The following NT5C1A variants were observed in gnomAD, a reference collection of about 807,000 sequenced individuals.
NT5C1A encodes the protein 5'-nucleotidase, cytosolic IA.
A neutral mutation model predicts 31.0 loss-of-function variants in NT5C1A; 18 were observed. The ratio of observed to expected loss-of-function variants is 0.58; its 90% confidence interval spans 0.40 to 0.86. The LOEUF is 0.86. Among genes scored for constraint, NT5C1A ranks in the 40% least tolerant of loss-of-function variants. The pLI, the probability that NT5C1A is intolerant of heterozygous loss-of-function variation, is 0.00. For synonymous variants in NT5C1A, 185 were observed against 203.6 expected, an observed-to-expected ratio of 0.91 and a Z score of 0.78; for missense variants, 470 against 505.4, an observed-to-expected ratio of 0.93 and a Z score of 0.67.
At chr1:39,664,492 T>TCTCCTCCCTTCCCCTCCCCCTTCCCCTTC (rs1553485422) in intron 3 of NT5C1A, among the ~76,000 whole-genome samples, 1 of 606 alleles carries the variant, frequency 1.7e-3, no homozygotes. Flanking sequence ...GGATTTCTCC[T>TCTCCTCCCTTCCCCTCCCCCTTCCCCTTC]CCTCTCCTCT....
chr1:39,666,309 C>T, intron 1 of NT5C1A, 73 bp from the exon 2 acceptor site: 2 of 1,473,396 alleles, frequency 1.4e-6, no homozygotes, highest in East Asian at 2.3e-5. Flanking sequence ...TGTGAGTCTC[C>T]CTGGGTAGTG....
Position 39,665,647 on chromosome 1 carries a change from G to A in NT5C1A, c.307C>T (p.Leu103=), listed in dbSNP as rs751799353. 6.2e-7 allele frequency: 1 copy of A among 1,613,100 alleles called. No individual in the cohort carries two copies. Among genetic ancestry groups the A allele is most frequent in the East Asian group, 2.2e-5 (1 of 44,890 alleles). Residue 103 remains leucine (L), a synonymous_variant, in exon 3 of 6, where the codon CTG becomes TTG. Coordinates refer to ENST00000235628, the MANE Select transcript of NT5C1A (RefSeq NM_032526.3). ...CGCAGCCGCCTGTTCACGGCCTCCA[G>A]AGCCTGGAAAGGAGAGGGCACCCCC... The part of the protein sequence containing the change: ...PGPAFPFVKA[L]EAVNRRLREL...
chr1:39,667,661 C>T (rs1440790257), intron 1 of NT5C1A, among the ~76,000 whole-genome samples: 1 of 152,142 alleles, frequency 6.6e-6, no homozygotes, highest in South Asian at 2.1e-4. Flanking sequence ...TGAGAGACAC[C>T]GTGGTGGACA....
chr1:39,665,141 G>A (rs1325355031), intron 3 of NT5C1A, among the ~76,000 whole-genome samples: 1 of 152,204 alleles, frequency 6.6e-6, no homozygotes, highest in East Asian at 1.9e-4. Flanking sequence ...AGGCCTGTTA[G>A]CCCCATCACA....
At chr1:39,667,119 C>G (rs1045063032) in intron 1 of NT5C1A, among the ~76,000 whole-genome samples, 1 of 151,990 alleles carries the variant, frequency 6.6e-6, no homozygotes, top group Non-Finnish European at 1.5e-5. Flanking sequence ...ACCCCTACTT[C>G]TCTTTCCATT....
chr1:39,661,123 A>G lies in NT5C1A; in HGVS notation c.697T>C (p.Phe233Leu), dbSNP rs1200210544. 6.3e-7 allele frequency: 1 copy of G among 1,592,860 alleles called. No homozygotes were observed. Among genetic ancestry groups the G allele is most frequent in the East Asian group, 2.3e-5 (1 of 44,388 alleles). ...TCGTGGGCCTTCTCATGCTCGAAGAATCGGTCCAGCCCGTGGGCCTTGACG... is the reference window on the plus strand; with the variant it reads ...TCGTGGGCCTTCTCATGCTCGAAGAGTCGGTCCAGCCCGTGGGCCTTGACG... ...RIVKAHGLDR[F>L]FEHEKAHENK... Residue 233 changes from phenylalanine to leucine, a missense_variant, in exon 5 of 6, where the codon TTC (phenylalanine) becomes CTC (leucine). Physicochemically the swap from Phe to Leu is conservative, Grantham distance 22. Coordinates refer to ENST00000235628, the MANE Select transcript of NT5C1A (RefSeq NM_032526.3).
chr1:39,665,555 C>T lies in NT5C1A; in HGVS notation c.399G>A (p.Val133=). ...TGATACTGTTGATGAGGCGGACACC[C>T]ACTTGAGCATGGTTGTTAGTCATGA... ...IVLMTNNHAQ[V]GVRLINSINH... Residue 133 remains valine (V), a synonymous_variant, in exon 3 of 6, where the codon GTG becomes GTA. Transcript: ENST00000235628. 6.2e-7 allele frequency: 1 copy of T among 1,613,486 alleles called. No homozygotes were observed.
chr1:39,664,236 C>G (rs1646506369), intron 3 of NT5C1A, among the ~76,000 whole-genome samples: 1 of 151,232 alleles, frequency 6.6e-6, no homozygotes. Flanking sequence ...TCACTGCAAG[C>G]TCCGCCTCCC....
At chr1:39,664,465 C>G (rs572991315) in intron 3 of NT5C1A, among the ~76,000 whole-genome samples, 1 of 115,034 alleles carries the variant, frequency 8.7e-6, no homozygotes, top group Non-Finnish European at 1.8e-5. Flanking sequence ...ATTTTTCTGT[C>G]TCTCTCTCCC....
rs1646462308 is a variant in NT5C1A, at chr1:39,657,073, A to G, written c.*2048T>C. 6.6e-6 allele frequency among the ~76,000 whole-genome samples: 1 copy of G among 152,200 alleles called. No individual in the cohort carries two copies. Among genetic ancestry groups the G allele is most frequent in the African/African-American group, 2.4e-5 (1 of 41,448 alleles). On this transcript the variant is annotated 3_prime_UTR_variant, in exon 6 of 6. Transcript: ENST00000235628. ...GGAAATGACCTCGTGCAAAGACATTATCATATGCCCTTCCAGGGGCAATAA... is the reference window on the plus strand; with the variant it reads ...GGAAATGACCTCGTGCAAAGACATTGTCATATGCCCTTCCAGGGGCAATAA...
At chr1:39,662,416 A>C (rs1451103801) in intron 4 of NT5C1A, among the ~76,000 whole-genome samples, 1 of 152,116 alleles carries the variant, frequency 6.6e-6, no homozygotes, top group Admixed American at 6.5e-5. Flanking sequence ...TTACAAACAC[A>C]CAGAGGCACA....
At chr1:39,663,232 C>G in intron 4 of NT5C1A, 80 bp downstream of exon 4, 2 of 1,546,392 alleles carry the variant, frequency 1.3e-6, no homozygotes, top group Non-Finnish European at 1.8e-6. Context: ...AGCACCTGCT[C>G]GGAACTTCAG....
rs1570464448 is a variant in NT5C1A, at chr1:39,671,887, C to A, written c.135+17G>T. 1 of 1,612,860 alleles carries A rather than the reference C, an allele frequency of 6.2e-7. No individual in the cohort carries two copies. The highest frequency in any genetic ancestry group is 2.2e-5 in the East Asian group (1 of 44,762). On this transcript the variant is annotated intron_variant, in intron 1 of 5. Transcript: ENST00000235628. ...AACCCTTCCCCCGTCCCCCGCATAC[C>A]CGTGCATTGCTTTTACCGATTTGGG...
Position 39,656,851 on chromosome 1 carries a change from G to A in NT5C1A, c.*2270C>T, listed in dbSNP as rs1399270641. On this transcript the variant is annotated 3_prime_UTR_variant, in exon 6 of 6. Coordinates refer to ENST00000235628, the MANE Select transcript of NT5C1A (RefSeq NM_032526.3). ...CTGACCCCTGGGAGTGAGAAGGAGA[G>A]GGCCTTTCTGCAGTTCAGCCAAGAA... is the stretch of plus-strand genomic sequence containing the variant. Among the ~76,000 whole-genome samples the A allele has an allele frequency of 6.6e-6, 1 of 152,230 alleles. No individual in the cohort carries two copies. The highest frequency in any genetic ancestry group is 1.5e-5 in the Non-Finnish European group (1 of 68,044).
chr1:39,661,141 C>G lies in NT5C1A; in HGVS notation c.679G>C (p.Ala227Pro), dbSNP rs1041074015. Residue 227 changes from alanine to proline, a missense_variant, in exon 5 of 6, where the codon GCC (alanine) becomes CCC (proline). By Grantham distance (27) the Ala-to-Pro change is conservative. Coordinates refer to ENST00000235628, the MANE Select transcript of NT5C1A (RefSeq NM_032526.3). ...TCGAAGAATCGGTCCAGCCCGTGGG[C>G]CTTGACGATGCGCTCCGACTCGTCC... ...FSDESERIVKAHGLDRFFEHE... is the reference protein window; with the variant it reads ...FSDESERIVKPHGLDRFFEHE... 11 of 1,600,986 alleles carry G rather than the reference C, an allele frequency of 6.9e-6. No individual in the cohort carries two copies. The highest frequency in any genetic ancestry group is 8.6e-6 in the Non-Finnish European group (10 of 1,169,312).
intron 5 of NT5C1A, 143 bp from the exon 6 acceptor site, chr1:39,659,629 T>C (rs1278167736): frequency 3.8e-6 from 4 of 1,041,866 alleles, no homozygotes; most frequent in Non-Finnish European, 5.5e-6. Flanking sequence ...TTATGCCTGC[T>C]TAGGCTACTG....
rs1240868097 is a variant in NT5C1A at position 39,663,365 on chromosome 1, G to T, written c.503C>A (p.Thr168Asn). ...SPICYLKAYH[T>N]NLYLSADAEK... ...CGCATCGGCTGACAAGTAGAGGTTG[G>T]TGTGATAGGCCTTGAGGTAGCAGAT... Residue 168 changes from threonine to asparagine, a missense_variant, in exon 4 of 6, where the codon ACC (threonine) becomes AAC (asparagine). Thr to Asn is a moderately conservative substitution (Grantham distance 65). Transcript: ENST00000235628. The T allele has an allele frequency of 4.3e-6, 7 of 1,614,126 alleles. No individual in the cohort carries two copies. The highest frequency in any genetic ancestry group is 5.9e-6 in the Non-Finnish European group (7 of 1,180,022).
rs1646455173 is a variant in NT5C1A, at chr1:39,655,715, A to C, written c.*3406T>G. Among the ~76,000 whole-genome samples, 1 of 152,088 alleles carries C rather than the reference A, an allele frequency of 6.6e-6. No individual in the cohort carries two copies. Among genetic ancestry groups the C allele is most frequent in the African/African-American group, 2.4e-5 (1 of 41,412 alleles). On this transcript the variant is annotated 3_prime_UTR_variant, in exon 6 of 6. Coordinates refer to ENST00000235628, the MANE Select transcript of NT5C1A (RefSeq NM_032526.3). The stretch of plus-strand genomic sequence containing the variant: ...AAACCAGCATGGCCAGGACACCACA[A>C]AACAGAGTAGACACTGGCCATAGTG...
At chr1:39,663,254 C>T (rs141990475) in intron 4 of NT5C1A, 58 bp downstream of exon 4, 1 of 1,607,148 alleles carries the variant, frequency 6.2e-7, no homozygotes, top group African/African-American at 1.3e-5. Context: ...ACCAGGCCTC[C>T]CACCTCAGGG....
Sources: gnomAD v4.1 joint callset for allele counts (sites outside exome capture counted in the v4.1 genomes callset) on GRCh38, gnomAD v4.1.1 for gene constraint, MANE v1.5 for transcripts, NCBI Gene and HGNC (gene_info 2026-07-23, HGNC 2026-07-21) for gene names.